Variants in MRPL46 observed in about 807,000 individuals in gnomAD.
The protein encoded by MRPL46 is mitochondrial ribosomal protein L46, also known as large ribosomal subunit protein mL46.
MRPL46 carries 26 observed loss-of-function variants against 31.0 expected under a neutral mutation model. The ratio of observed to expected loss-of-function variants is 0.84; its 90% CI spans 0.61 to 1.16. The LOEUF (loss-of-function observed/expected upper bound fraction) is 1.16. MRPL46 is among the 50% of genes most tolerant of loss of function. The pLI is 0.00. For synonymous variants in MRPL46, 159 were observed against 141.3 expected, an observed-to-expected ratio of 1.13 and a Z score of -0.89; for missense variants, 395 against 340.0, an observed-to-expected ratio of 1.16 and a Z score of -1.27.
chr15:88,464,271 G>T (rs778692539), intron 3 of MRPL46: 5 of 166,694 alleles, frequency 3.0e-5, no homozygotes, highest in Non-Finnish European at 6.4e-5. Context: ...CACAGCTAAA[G>T]CTGTTAGAAC....
chr15:88,459,926 G>A (rs2055462200), intron 3 of MRPL46, 63 bp from the exon 4 acceptor site: 20 of 1,587,286 alleles, frequency 1.3e-5, no homozygotes, highest in Non-Finnish European at 1.5e-5. Context: ...TGTTTACTCT[G>A]GCTCCCAAAA....
chr15:88,464,839 C>G lies in MRPL46; in HGVS notation c.453G>C (p.Arg151Ser). The G allele has an allele frequency of 6.2e-7, 1 of 1,614,096 alleles. No homozygotes were observed. Among genetic ancestry groups the G allele is most frequent in the Non-Finnish European group, 8.5e-7 (1 of 1,180,024 alleles). Residue 151 changes from arginine to serine, a missense_variant, in exon 3 of 4, where the codon AGG (arginine) becomes AGC (serine). By Grantham distance (110) the Arg-to-Ser change is moderately radical (BLOSUM62 -1). Coordinates refer to ENST00000312475, the MANE Select transcript of MRPL46 (RefSeq NM_022163.4). Reference sequence around the variant, plus strand: ...ACAGGACAAGGTTCCTGTCTAGCTTCCTGTTCAGGGATGTTCGGTCATTCT... The same window carrying G: ...ACAGGACAAGGTTCCTGTCTAGCTTGCTGTTCAGGGATGTTCGGTCATTCT... Reference protein sequence around the residue: ...DEKNDRTSLNRKLDRNLVLLV... With the variant: ...DEKNDRTSLNSKLDRNLVLLV...
chr15:88,460,363 A>C, intron 3 of MRPL46: 1 of 158,792 alleles, frequency 6.3e-6, no homozygotes, highest in Non-Finnish European at 1.4e-5. Flanking sequence ...AAGTTCATCC[A>C]CCTTTAAAAT....
intron 2 of MRPL46, chr15:88,465,205 A>C (rs962814709): frequency 1.2e-5 from 5 of 410,546 alleles, no homozygotes; most frequent in African/African-American, 4.1e-5. Flanking sequence ...ACTAGCCCCT[A>C]CTTTCTCTGT....
intron 1 of MRPL46, among the ~76,000 whole-genome samples, chr15:88,466,088 T>A (rs1233463018): frequency 1.3e-5 from 2 of 152,224 alleles, no homozygotes; most frequent in African/African-American, 4.8e-5. Context: ...CAGTCTTTGA[T>A]CAGAATCTCA....
chr15:88,462,233 G>C (rs928457667), intron 3 of MRPL46: 6 of 151,544 alleles, frequency 4.0e-5, no homozygotes, highest in African/African-American at 1.5e-4. Flanking sequence ...AAAAACGTTA[G>C]CAGTGGGTAT....
intron 1 of MRPL46, 128 bp from the exon 2 acceptor site, chr15:88,465,901 A>T: frequency 3.6e-6 from 3 of 844,234 alleles, no homozygotes; most frequent in East Asian, 5.5e-5. Context: ...CAACATAACC[A>T]GATACACAGT....
At chr15:88,464,602 TC>T in intron 3 of MRPL46, 100 bp downstream of exon 3, 1 of 1,116,574 alleles carries the variant, frequency 9.0e-7, no homozygotes, top group South Asian at 1.6e-5. Context: ...CCATTAACCT[TC>T]CCACCCCCAC....
chr15:88,464,934 C>G, intron 2 of MRPL46, 58 bp from the exon 3 acceptor site: 1 of 1,549,342 alleles, frequency 6.5e-7, no homozygotes, highest in Admixed American at 2.0e-5. Context: ...AACCAAGAAA[C>G]CTGGAGTTTT....
At chr15:88,464,101 G>A (rs2055500259) in intron 3 of MRPL46, 3 of 152,532 alleles carry the variant, frequency 2.0e-5, no homozygotes, top group Admixed American at 1.3e-4. Flanking sequence ...TGGGGGTGGG[G>A]TCAGGGGATG....
rs2055496831 is a variant in MRPL46, at chr15:88,463,732, T to G, written c.589+971A>C. On this transcript the variant is annotated intron_variant, in intron 3 of 3. Coordinates refer to ENST00000312475, the MANE Select transcript of MRPL46 (RefSeq NM_022163.4). This position sits in a 1 kb window ranked among gnomAD's most constrained non-coding sequence, Gnocchi z 5.4. The stretch of plus-strand genomic sequence containing the variant: ...CAGCAGGCCCCAAAGCAGAGACACA[T>G]GAAAGACCATACTATTCAAGGAATG... The G allele has an allele frequency of 6.6e-6, 1 of 152,152 alleles. No homozygotes were observed. The highest frequency in any genetic ancestry group is 1.9e-4 in the East Asian group (1 of 5,200). The allele number at this position is 152,152 out of a possible 1,614,324, so 9.4% of individuals were successfully genotyped here. A position where few individuals can be genotyped will look rare whatever the true frequency, so the allele number is the denominator to read the frequency against.
intron 2 of MRPL46, chr15:88,465,098 G>A: frequency 2.1e-6 from 1 of 466,446 alleles, no homozygotes; most frequent in Non-Finnish European, 3.7e-6. Flanking sequence ...AAGCTTCTTT[G>A]AACAGCAAAC....
In MRPL46 at chr15:88,467,187, G is replaced by T. The variant is rs747012714; in HGVS notation, c.191C>A (p.Thr64Asn). ...QRPPVVSKPL[T>N]PLQEEMASLL... Reference sequence around the variant, plus strand: ...AGACGCCATCTCTTCCTGCAATGGGGTCAACGGCTTGGAGACTACAGGTGG... The same window carrying T: ...AGACGCCATCTCTTCCTGCAATGGGTTCAACGGCTTGGAGACTACAGGTGG... Residue 64 changes from threonine to asparagine, a missense_variant, in exon 1 of 4, where the codon ACC becomes AAC. Physicochemically the swap from Thr to Asn is moderately conservative, Grantham distance 65 (BLOSUM62 0). Transcript: ENST00000312475. The T allele has an allele frequency of 1.2e-6, 2 of 1,614,158 alleles. No homozygotes were observed. The highest frequency in any genetic ancestry group is 2.2e-5 in the South Asian group (2 of 91,082).
intron 3 of MRPL46, chr15:88,462,467 T>C (rs555501675): frequency 7.9e-5 from 12 of 152,354 alleles, no homozygotes; most frequent in Non-Finnish European, 1.0e-4. Flanking sequence ...ATGAAGATAC[T>C]GAATCTCACT....
chr15:88,465,825 G>GAAA, intron 1 of MRPL46, 52 bp from the exon 2 acceptor site: 1 of 1,305,344 alleles, frequency 7.7e-7, no homozygotes, highest in Non-Finnish European at 1.0e-6. Flanking sequence ...AAATTAAAAG[G>GAAA]AAAAAAAAAA....
intron 3 of MRPL46, chr15:88,461,608 G>GA (rs994575086): frequency 6.6e-6 from 1 of 152,112 alleles, no homozygotes; most frequent in Non-Finnish European, 1.5e-5. Flanking sequence ...GAAGGATAAG[G>GA]AAAAAACCTG....
At position 88,459,665 on chromosome 15, in the gene MRPL46, T is replaced by A; in HGVS notation, c.788A>T (p.Tyr263Phe). 13 of 1,614,216 alleles carry A rather than the reference T, an allele frequency of 8.1e-6. No homozygotes were observed. The highest frequency in any genetic ancestry group is 1.1e-5 in the Non-Finnish European group (13 of 1,180,032). The change falls in exon 4 of 4, where the codon TAT becomes TTT. Residue 263 changes from tyrosine to phenylalanine, a missense_variant. By Grantham distance (22) the Tyr-to-Phe change is conservative (BLOSUM62 3). Transcript: ENST00000312475. ...TTGGGCCAGGTATTTTGGTTTCAAA[T>A]AGTCACCCAGCTCATCCTTAGTGAC... is the stretch of plus-strand genomic sequence containing the variant. ...VWVTKDELGD[Y>F]LKPKYLAQVR... is the part of the protein sequence containing the mutation.
chr15:88,464,709 G>C lies in MRPL46; in HGVS notation c.583C>G (p.Leu195Val), dbSNP rs747773332. 6.3e-5 allele frequency: 102 copies of C among 1,612,670 alleles called. No individual in the cohort carries two copies. The highest frequency in any genetic ancestry group is 8.6e-5 in the Non-Finnish European group (101 of 1,179,466). The part of the protein sequence containing the change: ...RGTAERTLAT[L>V]SENNMEAKFL... Reference sequence around the variant, plus strand: ...AGGAAGGCAGAAAACCCACCTGAGAGTGTGGCCAGGGTTCGTTCAGCTGTT... The same window carrying C: ...AGGAAGGCAGAAAACCCACCTGAGACTGTGGCCAGGGTTCGTTCAGCTGTT... Residue 195 changes from leucine to valine, a missense_variant, in exon 3 of 4, where the codon CTC becomes GTC. Transcript: ENST00000312475.
rs778323638 is a variant in MRPL46, at chr15:88,467,334, C to A, written c.44G>T (p.Gly15Val). The A allele has an allele frequency of 1.2e-6, 2 of 1,601,680 alleles. No individual in the cohort carries two copies. The highest frequency in any genetic ancestry group is 1.3e-5 in the African/African-American group (1 of 74,602). Residue 15 changes from glycine to valine, a missense_variant, in exon 1 of 4, where the codon GGT becomes GTT. Physicochemically the swap from Gly to Val is moderately radical, Grantham distance 109. Coordinates refer to ENST00000312475, the MANE Select transcript of MRPL46 (RefSeq NM_022163.4). ...CCAGAGCCTCTCGAACCGCCGCCAA[C>A]CCCCCGCCACCCCTAACAGCGTCCG... ...VRRTLLGVAG[G>V]WRRFERLWAG...
Sources: gnomAD v4.1 joint callset for allele counts (sites outside exome capture counted in the v4.1 genomes callset) on GRCh38, gnomAD v4.1.1 for gene constraint, Gnocchi (gnomAD v3.1) non-coding constraint, MANE v1.5 for transcripts, NCBI Gene and HGNC (gene_info 2026-07-23, HGNC 2026-07-21) for gene names.